GAB2: variants seen among roughly 807,000 people sequenced by gnomAD.
GAB2 encodes the protein GRB2-associated-binding protein 2.
In GAB2, 26 loss-of-function variants were observed where a neutral mutation model predicts 65.5. The ratio of observed to expected loss-of-function variants is 0.40; its 90% CI spans 0.29 to 0.55. The LOEUF (loss-of-function observed/expected upper bound fraction) is 0.55, where lower values mean the gene tolerates loss of function less well. GAB2 is among the 20% of genes least tolerant of loss of function. GAB2 has a pLI of 0.53. For synonymous variants in GAB2, 321 were observed against 329.6 expected, an observed-to-expected ratio of 0.97 and a Z score of 0.28; for missense variants, 884 against 875.8, an observed-to-expected ratio of 1.01 and a Z score of -0.12.
intron 1 of GAB2, among the ~76,000 whole-genome samples, chr11:78,302,372 G>A (rs1867048391): frequency 6.6e-6 from 1 of 151,976 alleles, no homozygotes; most frequent in African/African-American, 2.4e-5. Flanking sequence ...GTGAGCTAAG[G>A]ACACTAACAG....
intron 1 of GAB2, among the ~76,000 whole-genome samples, chr11:78,295,278 A>G (rs1866795892): frequency 6.6e-6 from 1 of 152,206 alleles, no homozygotes; most frequent in African/African-American, 2.4e-5. Flanking sequence ...TTCCGGGTCA[A>G]TAAACTCTTT....
chr11:78,401,881 G>T (rs947882253), intron 1 of GAB2, among the ~76,000 whole-genome samples: 4 of 152,158 alleles, frequency 2.6e-5, no homozygotes, highest in African/African-American at 7.2e-5. Context: ...TATAATCGAA[G>T]AAATAATCCA....
intron 1 of GAB2, among the ~76,000 whole-genome samples, chr11:78,348,451 A>T (rs1856224960): frequency 6.6e-6 from 1 of 152,256 alleles, no homozygotes. Context: ...ACTAGACAAA[A>T]GAAGATAGTA....
At chr11:78,381,529 C>G (rs1484825803) in intron 1 of GAB2, among the ~76,000 whole-genome samples, 3 of 152,204 alleles carry the variant, frequency 2.0e-5, no homozygotes, top group Non-Finnish European at 4.4e-5. Context: ...ATGGCTCTTC[C>G]TCCTCCCACC....
intron 3 of GAB2, among the ~76,000 whole-genome samples, chr11:78,241,077 A>T (rs1230041223): frequency 2.0e-5 from 3 of 152,220 alleles, no homozygotes; most frequent in African/African-American, 7.2e-5. Flanking sequence ...ATTTGGGGAA[A>T]ATGAGAAGAG....
rs1856560323 is a variant in GAB2 at position 78,370,713 on chromosome 11, G to GTGTGTA, written c.75+46932_75+46933insTACACA. 4.1e-3 allele frequency among the ~76,000 whole-genome samples: 491 copies of GTGTGTA among 120,854 alleles called. 5 individuals carry two copies. The highest frequency in any genetic ancestry group is 0.016 in the African/African-American group (436 of 26,938). 79.3% of individuals were successfully genotyped at this position (120,854 alleles called of 152,430 possible). A position where few individuals can be genotyped will look rare whatever the true frequency, so the allele number is the denominator to read the frequency against. On this transcript the variant is annotated intron_variant, in intron 1 of 9. Transcript: ENST00000361507. ...CTACTAATATTGTATGTGTGTGTGC[G>GTGTGTA]TGTGTGTGTGTATGTGTGTGTGTGT...
At chr11:78,379,389 C>G (rs1043676627) in intron 1 of GAB2, among the ~76,000 whole-genome samples, 1 of 152,188 alleles carries the variant, frequency 6.6e-6, no homozygotes, top group African/African-American at 2.4e-5. Flanking sequence ...ATTAAAATGT[C>G]CTTGGCTGTC....
In GAB2 at chr11:78,341,621, C is replaced by T. The variant is rs1360972334; in HGVS notation, c.76-60720G>A. 1.2e-5 allele frequency: 3 copies of T among 251,340 alleles called. No individual in the cohort carries two copies. In the Admixed American group the frequency reaches 1.9e-4, roughly 16 times the overall value. 15.6% of individuals were successfully genotyped at this position (251,340 alleles called of 1,614,324 possible). On this transcript the variant is annotated intron_variant, in intron 1 of 9. Transcript: ENST00000361507. ...ATTTAATGCCTATCCTCACGAATCT[C>T]ATCAAGTAGTCAACAATTTCACTTT...
At chr11:78,291,970 T>G (rs746046681) in intron 1 of GAB2, among the ~76,000 whole-genome samples, 4 of 151,864 alleles carry the variant, frequency 2.6e-5, no homozygotes, top group Non-Finnish European at 4.4e-5. Context: ...TAACCACATC[T>G]CCACCTGGGA....
intron 1 of GAB2, among the ~76,000 whole-genome samples, chr11:78,353,508 T>C (rs1010032584): frequency 2.6e-5 from 4 of 152,126 alleles, no homozygotes; most frequent in East Asian, 1.9e-4. Context: ...AGACTAATGA[T>C]ACGATTCATG....
intron 2 of GAB2, among the ~76,000 whole-genome samples, chr11:78,271,084 G>T (rs2511182): frequency 3.9e-5 from 6 of 152,126 alleles, no homozygotes; most frequent in Non-Finnish European, 8.8e-5. Flanking sequence ...TTCAAAAGGG[G>T]TGATGGCTTT....
rs34113792 is a variant in GAB2 at position 78,258,605 on chromosome 11, G to GTT, written c.377-8207_377-8206dup. 9.6e-4 allele frequency among the ~76,000 whole-genome samples: 142 copies of GTT among 147,586 alleles called. 2 individuals carry two copies. Among genetic ancestry groups the GTT allele is most frequent in the East Asian group, 6.3e-3 (32 of 5,044 alleles). On this transcript the variant is annotated intron_variant, in intron 2 of 9. Transcript: ENST00000361507. ...TTTTTTTTAAATTTTTTAATTTTCTGTTTTTTTTTTGAGACAAGATCGCGC... is the reference window on the plus strand; with the variant it reads ...TTTTTTTTAAATTTTTTAATTTTCTGTTTTTTTTTTTTGAGACAAGATCGCGC...
chr11:78,391,214 G>A (rs1189558338), intron 1 of GAB2, among the ~76,000 whole-genome samples: 3 of 152,172 alleles, frequency 2.0e-5, no homozygotes, highest in Non-Finnish European at 2.9e-5. Flanking sequence ...AGAATCGCTT[G>A]AGCCCGGGAG....
chr11:78,366,087 T>A (rs1856493485), intron 1 of GAB2, among the ~76,000 whole-genome samples: 1 of 152,232 alleles, frequency 6.6e-6, no homozygotes, highest in Admixed American at 6.5e-5. Context: ...TAAGGTGGTG[T>A]AGAGTTCTAA....
At chr11:78,386,402 AAC>A (rs1856767164) in intron 1 of GAB2, among the ~76,000 whole-genome samples, 1 of 152,222 alleles carries the variant, frequency 6.6e-6, no homozygotes, top group African/African-American at 2.4e-5. Context: ...TGACTCTGTC[AAC>A]ACAGACAACA....
At chr11:78,296,228 A>G (rs945907234) in intron 1 of GAB2, among the ~76,000 whole-genome samples, 7 of 152,206 alleles carry the variant, frequency 4.6e-5, no homozygotes, top group Non-Finnish European at 2.9e-5. Context: ...CCAGACTGGT[A>G]AGGGTCCTCG....
At chr11:78,321,884 A>G (rs910664811) in intron 1 of GAB2, among the ~76,000 whole-genome samples, 8 of 150,512 alleles carry the variant, frequency 5.3e-5, no homozygotes, top group African/African-American at 2.0e-4. Flanking sequence ...AAAAAAAAAA[A>G]CAATGGGGAT....
At chr11:78,231,333 T>TG (rs1242009399) in intron 3 of GAB2, among the ~76,000 whole-genome samples, 43 of 104,028 alleles carry the variant, frequency 4.1e-4, no homozygotes, top group South Asian at 2.2e-3. Context: ...CGCGCGCGTG[T>TG]GTGGTGTGTG....
At chr11:78,370,712 C>CGTGTGTGTGTGT (rs1554995526) in intron 1 of GAB2, among the ~76,000 whole-genome samples, 6 of 123,218 alleles carry the variant, frequency 4.9e-5, no homozygotes, top group East Asian at 6.4e-4. Flanking sequence ...TGTGTGTGTG[C>CGTGTGTGTGTGT]GTGTGTGTGT....
Sources: gnomAD v4.1 joint callset for allele counts (sites outside exome capture counted in the v4.1 genomes callset) on GRCh38, gnomAD v4.1.1 for gene constraint, MANE v1.5 for transcripts, NCBI Gene and HGNC (gene_info 2026-07-23, HGNC 2026-07-21) for gene names.